Variants in ALDH1L1 observed in about 807,000 individuals in gnomAD.
The protein encoded by ALDH1L1 is cytosolic 10-formyltetrahydrofolate dehydrogenase.
Under a neutral mutation model 101.1 loss-of-function variants are expected in ALDH1L1, and 68 were observed. The observed-to-expected ratio is 0.67, with a 90% CI of 0.55 to 0.82. The LOEUF (loss-of-function observed/expected upper bound fraction) is 0.82, where lower values mean the gene tolerates loss of function less well. Ranked by LOEUF, ALDH1L1 falls within the 40% of genes least tolerant of loss-of-function variation. ALDH1L1 has a pLI of 0.00. For synonymous variants in ALDH1L1, 486 were observed against 470.8 expected, an observed-to-expected ratio of 1.03 and a Z score of -0.42; for missense variants, 1,087 against 1,172.7, an observed-to-expected ratio of 0.93 and a Z score of 1.07.
rs1238062350 is a variant in ALDH1L1, at chr3:126,154,646, G to A, written c.631-3C>T. 1.2e-6 allele frequency: 2 copies of A among 1,614,028 alleles called. No homozygotes were observed. The highest frequency in any genetic ancestry group is 1.7e-5 in the Admixed American group (1 of 60,016). On this transcript the variant is annotated splice_region_variant and splice_polypyrimidine_tract_variant and intron_variant, in intron 5 of 22. Coordinates refer to ENST00000393434, the MANE Select transcript of ALDH1L1 (RefSeq NM_012190.4). ...TCTGCCGGCTGGTCCCAGTTGATCT[G>A]TGGGGAGCAAGGTGTGTGTGCTCAG... is the stretch of plus-strand genomic sequence containing the variant.
chr3:126,159,561 T>C (rs2080997525), intron 2 of ALDH1L1: 1 of 455,978 alleles, frequency 2.2e-6, no homozygotes, highest in Non-Finnish European at 4.4e-6. Flanking sequence ...CACTCTGTCC[T>C]GGTGTCTGGT....
chr3:126,155,274 C>T (rs2080882192), intron 5 of ALDH1L1, 128 bp downstream of exon 5: 3 of 760,438 alleles, frequency 3.9e-6, no homozygotes, highest in South Asian at 4.1e-5. Flanking sequence ...CCTGGGCTGC[C>T]CTGTGTTCTG....
rs569559201 is a variant in ALDH1L1, at chr3:126,144,299, C to T, written c.1076+2536G>A. On this transcript the variant is annotated intron_variant, in intron 9 of 22. Coordinates refer to ENST00000393434, the MANE Select transcript of ALDH1L1 (RefSeq NM_012190.4). The stretch of plus-strand genomic sequence containing the variant: ...TGACAATACTGCCCAAAGTTATGTA[C>T]AATTTTTATGCCAACTCTATTAAAA... Among the ~76,000 whole-genome samples, 3 of 152,234 alleles carry T rather than the reference C, an allele frequency of 2.0e-5. No homozygotes were observed. The South Asian group carries it at 6.2e-4, about 32-fold the overall frequency.
In ALDH1L1 at chr3:126,131,491, T is replaced by C. The variant is rs374975345; in HGVS notation, c.1516A>G (p.Ile506Val). 219 of 1,612,854 alleles carry C rather than the reference T, an allele frequency of 1.4e-4. No homozygotes were observed. The highest frequency in any genetic ancestry group is 1.8e-4 in the Non-Finnish European group (212 of 1,179,082). Residue 506 changes from isoleucine (I) to valine (V), a missense_variant, in exon 13 of 23, where the codon ATT becomes GTT. By Grantham distance (29) the Ile-to-Val change is conservative (BLOSUM62 3). Coordinates refer to ENST00000393434, the MANE Select transcript of ALDH1L1 (RefSeq NM_012190.4). ...MEQHQEELAT[I>V]EALDAGAVYT... ...ACGGCACCCGCATCCAGGGCCTCAA[T>C]GGTGGCCAGCTCCTCCTGGTGCTGC...
At chr3:126,123,280 C>T (rs1439738715) in intron 16 of ALDH1L1, among the ~76,000 whole-genome samples, 2 of 142,514 alleles carry the variant, frequency 1.4e-5, no homozygotes, top group South Asian at 4.4e-4. Flanking sequence ...TTTTTTGAGA[C>T]AGAGTCTCGC....
At position 126,154,591 on chromosome 3, in the gene ALDH1L1, T is replaced by G. The variant is rs2080868444; in HGVS notation, c.683A>C (p.Asp228Ala). Reference protein sequence around the residue: ...EAIHNWIRGNDKVPGAWTEAC... With the variant: ...EAIHNWIRGNAKVPGAWTEAC... Reference sequence around the variant, plus strand: ...CTCTGTCCAGGCTCCCGGCACCTTGTCGTTCCCGCGGATCCAGTTGTGAAT... The same window carrying G: ...CTCTGTCCAGGCTCCCGGCACCTTGGCGTTCCCGCGGATCCAGTTGTGAAT... The change falls in exon 6 of 23, where the codon GAC becomes GCC. Residue 228 changes from aspartate (D) to alanine (A), a missense_variant. Asp to Ala is a moderately radical substitution (Grantham distance 126, BLOSUM62 -2). Transcript: ENST00000393434. The G allele has an allele frequency of 6.2e-7, 1 of 1,614,070 alleles. No homozygotes were observed. The highest frequency in any genetic ancestry group is 1.3e-5 in the African/African-American group (1 of 74,934).
intron 2 of ALDH1L1, 61 bp from the exon 3 acceptor site, chr3:126,158,700 C>A: frequency 6.6e-7 from 1 of 1,519,268 alleles, no homozygotes; most frequent in Non-Finnish European, 9.1e-7. Flanking sequence ...GCAGCCACCT[C>A]TGCCTTCCCA....
At chr3:126,112,053 T>G (rs1238144340) in intron 19 of ALDH1L1, among the ~76,000 whole-genome samples, 1 of 152,112 alleles carries the variant, frequency 6.6e-6, no homozygotes. Context: ...CCGAGCTGCT[T>G]GGAGAGGATG....
chr3:126,106,091 C>T (rs2108163889), intron 21 of ALDH1L1, among the ~76,000 whole-genome samples, 166 bp from the exon 22 acceptor site: 1 of 152,250 alleles, frequency 6.6e-6, no homozygotes, highest in Admixed American at 6.5e-5. Context: ...GGGCTGCGAG[C>T]GAGGAGGAAG....
At chr3:126,157,995 G>C (rs534957309) in intron 3 of ALDH1L1, among the ~76,000 whole-genome samples, 1 of 152,120 alleles carries the variant, frequency 6.6e-6, no homozygotes, top group East Asian at 1.9e-4. Context: ...CTCTTTCTAC[G>C]AAGTGTGCTG....
chr3:126,175,820 A>G (rs2081356594), intron 1 of ALDH1L1, among the ~76,000 whole-genome samples: 1 of 152,174 alleles, frequency 6.6e-6, no homozygotes, highest in African/African-American at 2.4e-5. Context: ...CCTAGTCAAC[A>G]TTATACTGGA....
At chr3:126,138,278 CTAA>C (rs919086461) in intron 9 of ALDH1L1, among the ~76,000 whole-genome samples, 13 of 150,944 alleles carry the variant, frequency 8.6e-5, no homozygotes, top group Admixed American at 2.6e-4. Flanking sequence ...GACAACCCAT[CTAA>C]TAATAATAAT....
At chr3:126,190,067 G>A (rs952417424) in intron 1 of ALDH1L1, among the ~76,000 whole-genome samples, 3 of 152,282 alleles carry the variant, frequency 2.0e-5, no homozygotes, top group African/African-American at 7.2e-5. Flanking sequence ...TTCTCCAGGG[G>A]CGCCCCAGAA....
At chr3:126,185,455 C>A (rs1559984719), upstream of ALDH1L1, among the ~76,000 whole-genome samples, 1 of 152,228 alleles carries the variant, frequency 6.6e-6, no homozygotes, top group Non-Finnish European at 1.5e-5. Context: ...AGAGGTGAGA[C>A]ATGAAGAAAG....
intron 1 of ALDH1L1, among the ~76,000 whole-genome samples, chr3:126,175,750 G>A (rs1441825771): frequency 2.0e-5 from 3 of 152,144 alleles, no homozygotes; most frequent in African/African-American, 7.2e-5. Flanking sequence ...TTAATGGAGA[G>A]AAACTAGAAG....
chr3:126,136,917 C>T (rs751483037), intron 10 of ALDH1L1, 34 bp from the exon 11 acceptor site: 1 of 1,612,640 alleles, frequency 6.2e-7, no homozygotes, highest in South Asian at 1.1e-5. Flanking sequence ...AGCACAAACC[C>T]ATGCAGGGTG....
At chr3:126,142,881 G>C (rs2080594203) in intron 9 of ALDH1L1, among the ~76,000 whole-genome samples, 1 of 152,192 alleles carries the variant, frequency 6.6e-6, no homozygotes, top group Non-Finnish European at 1.5e-5. Flanking sequence ...AAGGCTCCCA[G>C]TGAGTGCCTG....
intron 9 of ALDH1L1, among the ~76,000 whole-genome samples, chr3:126,142,117 A>G (rs2080579860): frequency 6.6e-6 from 1 of 152,182 alleles, no homozygotes; most frequent in Admixed American, 6.5e-5. Flanking sequence ...AAATTCCCAG[A>G]AACACACAAT....
At chr3:126,177,414 G>A (rs777177880) in intron 1 of ALDH1L1, among the ~76,000 whole-genome samples, 29 of 152,310 alleles carry the variant, frequency 1.9e-4, no homozygotes, top group Non-Finnish European at 3.8e-4. Context: ...AAGACATGGA[G>A]GATGCTTAAA....
Sources: allele counts gnomAD v4.1 joint callset (sites outside exome capture counted in the v4.1 genomes callset), GRCh38; gene constraint gnomAD v4.1.1; transcripts MANE v1.5; gene names NCBI Gene and HGNC (gene_info 2026-07-23, HGNC 2026-07-21).